Variants in PTPN12 observed in about 807,000 individuals in gnomAD.
PTPN12 encodes the protein tyrosine-protein phosphatase non-receptor type 12.
In PTPN12, 29 loss-of-function variants were observed where a neutral mutation model predicts 97.6. The observed-to-expected ratio is 0.30, with a 90% CI of 0.22 to 0.41. PTPN12 has a LOEUF of 0.41. Among genes scored for constraint, PTPN12 ranks in the 10% least tolerant of loss-of-function variants. The pLI is 1.00. For missense variants in PTPN12, 819 were observed against 926.0 expected, an observed-to-expected ratio of 0.88 and a Z score of 1.50; for synonymous variants, 327 against 300.4, an observed-to-expected ratio of 1.09 and a Z score of -0.91.
chr7:77,544,482 C>G (rs1807127056), intron 1 of PTPN12, among the ~76,000 whole-genome samples: 1 of 152,106 alleles, frequency 6.6e-6, no homozygotes, highest in South Asian at 2.1e-4. Context: ...TAAAAATTTA[C>G]TTTAAGCATT....
intron 17 of PTPN12, chr7:77,638,952 G>T (rs1261201087): frequency 7.2e-6 from 6 of 830,986 alleles, no homozygotes; most frequent in African/African-American, 5.3e-5. Flanking sequence ...GTGTTGGAAA[G>T]ACTAAATTAT....
chr7:77,618,315 T>G (rs1788820698), intron 11 of PTPN12, among the ~76,000 whole-genome samples, 165 bp from the exon 12 acceptor site: 2 of 152,244 alleles, frequency 1.3e-5, no homozygotes, highest in Middle Eastern at 3.4e-3. Flanking sequence ...TGAAGTCTGG[T>G]CCTTCAGGCT....
chr7:77,638,845 G>C, intron 17 of PTPN12, 114 bp downstream of exon 17: 1 of 1,410,510 alleles, frequency 7.1e-7, no homozygotes, highest in Middle Eastern at 2.5e-4. Context: ...ATTTTCCAAA[G>C]TTGCTTGGAC....
At chr7:77,573,100 A>C (rs945409270) in intron 2 of PTPN12, among the ~76,000 whole-genome samples, 2 of 125,072 alleles carry the variant, frequency 1.6e-5, no homozygotes, top group Non-Finnish European at 3.2e-5. Context: ...AAAAAAACAA[A>C]AAAACAAAAA....
Sources: gnomAD v4.1 joint callset for allele counts (sites outside exome capture counted in the v4.1 genomes callset) on GRCh38, gnomAD v4.1.1 for gene constraint, MANE v1.5 for transcripts, NCBI Gene and HGNC (gene_info 2026-07-23, HGNC 2026-07-21) for gene names.